ARK2N: variants seen among roughly 807,000 people sequenced by gnomAD.
The protein encoded by ARK2N is arkadia (RNF111) N-terminal like PKA signaling regulator 2N.
the ARK2N span, among the ~76,000 whole-genome samples, chr18:46,200,086 G>GTT: frequency 3.4e-5 from 5 of 148,454 alleles, no homozygotes; most frequent in Non-Finnish European, 6.1e-5. Context: ...GTGTGTGTGT[G>GTT]TGTGTGCGCG....
At chr18:46,205,795 G>A in the ARK2N span, among the ~76,000 whole-genome samples, 1 of 152,288 alleles carries the variant, frequency 6.6e-6, no homozygotes, top group East Asian at 1.9e-4. Context: ...GCACAGTCAT[G>A]GCTCACTGCA....
the ARK2N span, among the ~76,000 whole-genome samples, chr18:46,221,528 C>T: frequency 1.4e-5 from 2 of 146,556 alleles, no homozygotes; most frequent in East Asian, 4.0e-4. Flanking sequence ...CCACTGCACT[C>T]CAGCCTGGGT....
the ARK2N span, among the ~76,000 whole-genome samples, chr18:46,208,339 T>C: frequency 6.6e-6 from 1 of 152,278 alleles, no homozygotes; most frequent in East Asian, 1.9e-4. Context: ...CATTAGTCCA[T>C]GCAAAATTAG....
the ARK2N span, among the ~76,000 whole-genome samples, chr18:46,248,854 A>AT: frequency 6.6e-6 from 1 of 152,168 alleles, no homozygotes; most frequent in Non-Finnish European, 1.5e-5. Flanking sequence ...AAGTGGTGGG[A>AT]TTACAGGCGT....
the ARK2N span, among the ~76,000 whole-genome samples, chr18:46,176,890 A>G: frequency 2.0e-5 from 3 of 152,152 alleles, no homozygotes; most frequent in African/African-American, 7.2e-5. Context: ...TGCTGGGATT[A>G]CAGGTGTGAG....
the ARK2N span, among the ~76,000 whole-genome samples, chr18:46,222,508 T>TG: frequency 6.6e-6 from 1 of 152,244 alleles, no homozygotes; most frequent in Non-Finnish European, 1.5e-5. Flanking sequence ...GTCTTACTGG[T>TG]GGGTATCCTT....
the ARK2N span, among the ~76,000 whole-genome samples, chr18:46,223,849 T>C: frequency 6.6e-6 from 1 of 152,144 alleles, no homozygotes; most frequent in African/African-American, 2.4e-5. Context: ...TAGGGATATA[T>C]GATGTGAATA....
At chr18:46,184,813 G>A in the ARK2N span, among the ~76,000 whole-genome samples, 3 of 152,212 alleles carry the variant, frequency 2.0e-5, no homozygotes, top group South Asian at 4.1e-4. Context: ...TGTAAGGAGA[G>A]GGGCCTTCAT....
At chr18:46,182,603 A>G in the ARK2N span, among the ~76,000 whole-genome samples, 1 of 151,916 alleles carries the variant, frequency 6.6e-6, no homozygotes, top group Non-Finnish European at 1.5e-5. Flanking sequence ...TTTAAAAATT[A>G]AAAGAACCTC....
At chr18:46,264,279 T>C in the ARK2N span, 2 of 152,652 alleles carry the variant, frequency 1.3e-5, no homozygotes, top group Non-Finnish European at 2.9e-5. Flanking sequence ...AATGCCAGCA[T>C]TGGAATTTTG....
At chr18:46,192,692 A>C in the ARK2N span, among the ~76,000 whole-genome samples, 1 of 151,174 alleles carries the variant, frequency 6.6e-6, no homozygotes, top group Non-Finnish European at 1.5e-5. Flanking sequence ...TCAGTCTCCC[A>C]AGTAGAGTAG....
chr18:46,261,316 T>C, the ARK2N span, among the ~76,000 whole-genome samples: 6 of 152,216 alleles, frequency 3.9e-5, no homozygotes, highest in African/African-American at 1.4e-4. Context: ...CTTTCAAGCA[T>C]TGTGACTCTG....
the ARK2N span, among the ~76,000 whole-genome samples, chr18:46,194,735 A>G: frequency 8.0e-5 from 12 of 150,564 alleles, no homozygotes; most frequent in Admixed American, 2.0e-4. Flanking sequence ...TGGCCTCCCA[A>G]AGTGCTGGGA....
the ARK2N span, among the ~76,000 whole-genome samples, chr18:46,211,622 G>C: frequency 1.3e-5 from 2 of 152,166 alleles, no homozygotes; most frequent in African/African-American, 4.8e-5. Context: ...TGGTCCAGTT[G>C]GGTGTGGCAG....
chr18:46,224,746 A>G, the ARK2N span, among the ~76,000 whole-genome samples: 6 of 152,200 alleles, frequency 3.9e-5, no homozygotes, highest in Non-Finnish European at 8.8e-5. Flanking sequence ...TGATAATGTT[A>G]GTCATTTTAT....
the ARK2N span, among the ~76,000 whole-genome samples, chr18:46,214,038 TG>T: frequency 1.2e-3 from 177 of 152,298 alleles, 1 homozygote; most frequent in Non-Finnish European, 2.3e-3. Context: ...TGGCCATGAA[TG>T]TTCTGGTTTC....
chr18:46,176,508 G>T, the ARK2N span, among the ~76,000 whole-genome samples: 2,597 of 151,190 alleles, frequency 0.017, 70 homozygotes, highest in African/African-American at 0.059. Flanking sequence ...AGGCTGGAGT[G>T]CAGTGGCATG....
the ARK2N span, among the ~76,000 whole-genome samples, chr18:46,255,348 A>G: frequency 3.3e-5 from 5 of 150,404 alleles, no homozygotes; most frequent in Non-Finnish European, 7.4e-5. Context: ...CTGTATTTAT[A>G]CCTTCTGTAT....
At chr18:46,244,601 A>ATTTTTTT in the ARK2N span, among the ~76,000 whole-genome samples, 27,976 of 93,354 alleles carry the variant, frequency 0.3, 5,959 homozygotes, top group Non-Finnish European at 0.38. Context: ...AAGAGTTTAG[A>ATTTTTTT]TTTTTTTTTT....
Sources: gnomAD v4.1 joint callset for allele counts (sites outside exome capture counted in the v4.1 genomes callset) on GRCh38, gnomAD v4.1.1 for gene constraint, MANE v1.5 for transcripts, NCBI Gene and HGNC (gene_info 2026-07-23, HGNC 2026-07-21) for gene names.